Variants in CLMN observed in about 807,000 individuals in gnomAD.
The protein encoded by CLMN is calmin, also known as calmin (calponin-like, transmembrane).
A neutral mutation model predicts 92.7 loss-of-function variants in CLMN; 57 were observed. That is an observed-to-expected ratio of 0.61 (90% CI 0.50 to 0.77). CLMN has a LOEUF of 0.77. Among genes scored for constraint, CLMN ranks in the 30% least tolerant of loss-of-function variants. The pLI, the probability that CLMN is intolerant of heterozygous loss-of-function variation, is 0.00. For missense variants in CLMN, 1,158 were observed against 1,237.5 expected, an observed-to-expected ratio of 0.94 and a Z score of 0.96; for synonymous variants, 466 against 470.6, an observed-to-expected ratio of 0.99 and a Z score of 0.13.
At chr14:95,244,241 C>T (rs1254961932) in intron 1 of CLMN, among the ~76,000 whole-genome samples, 4 of 152,190 alleles carry the variant, frequency 2.6e-5, no homozygotes, top group Admixed American at 1.3e-4. Flanking sequence ...TCTCATCCAA[C>T]ACTGTCATCA....
chr14:95,194,722 A>G lies in CLMN; in HGVS notation c.2709-126T>C. The G allele has an allele frequency of 1.3e-6, 1 of 777,988 alleles. No individual in the cohort carries two copies. Among genetic ancestry groups the G allele is most frequent in the Admixed American group, 2.1e-5 (1 of 46,928 alleles). 48.2% of individuals were successfully genotyped at this position (777,988 alleles called of 1,614,324 possible). A position where few individuals can be genotyped will look rare whatever the true frequency, so the allele number is the denominator to read the frequency against. On this transcript the variant is annotated intron_variant, in intron 10 of 12. Transcript: ENST00000298912. This position sits in a 1 kb window ranked among gnomAD's most constrained non-coding sequence, Gnocchi z 4.0. ...GCAAGCGACAACTTCACAGCCAGGG[A>G]CAGAAATGACAGATTTTATATCTAA... is the stretch of plus-strand genomic sequence containing the variant.
At chr14:95,244,308 T>C (rs1242164214) in intron 1 of CLMN, among the ~76,000 whole-genome samples, 2 of 152,218 alleles carry the variant, frequency 1.3e-5, no homozygotes, top group Admixed American at 1.3e-4. Flanking sequence ...TCAGTACCTA[T>C]TCAGGTAGCC....
At chr14:95,304,317 T>C (rs1160846949) in intron 1 of CLMN, among the ~76,000 whole-genome samples, 1 of 150,960 alleles carries the variant, frequency 6.6e-6, no homozygotes, top group African/African-American at 2.4e-5. Context: ...GCCTGCAGCC[T>C]GGGCGACAGA....
In CLMN at chr14:95,189,948, G is replaced by A. The variant is rs1896523379; in HGVS notation, c.*1616C>T. 1.3e-5 allele frequency: 2 copies of A among 152,176 alleles called. No homozygotes were observed. The highest frequency in any genetic ancestry group is 1.3e-4 in the Admixed American group (2 of 15,286). 9.4% of individuals were successfully genotyped at this position (152,176 alleles called of 1,614,324 possible). ...CTATGTAAATTCTTCTGGCCATGCT[G>A]GAATTCTGTAAACTTGAAACCCACT... On this transcript the variant is annotated 3_prime_UTR_variant, in exon 13 of 13. Coordinates refer to ENST00000298912, the MANE Select transcript of CLMN (RefSeq NM_024734.4).
At position 95,267,956 on chromosome 14, in the gene CLMN, G is replaced by A. The variant is rs185412782; in HGVS notation, c.83-37823C>T. Among the ~76,000 whole-genome samples the A allele has an allele frequency of 1.2e-4, 19 of 152,290 alleles. No homozygotes were observed. The East Asian group carries it at 3.5e-3, about 28-fold the overall frequency. The stretch of plus-strand genomic sequence containing the variant: ...ATCACATGTTCTCACTCATGTGTGG[G>A]AGCTAAGAAAGGATCTCATGAAAAT... On this transcript the variant is annotated intron_variant, in intron 1 of 12. Coordinates refer to ENST00000298912, the MANE Select transcript of CLMN (RefSeq NM_024734.4).
At chr14:95,219,151 C>T (rs1288923965) in intron 4 of CLMN, among the ~76,000 whole-genome samples, 1 of 152,240 alleles carries the variant, frequency 6.6e-6, no homozygotes, top group Non-Finnish European at 1.5e-5. Flanking sequence ...CCACAAAAGA[C>T]ACTTGGTAAA....
At chr14:95,311,452 G>A (rs1029287632) in intron 1 of CLMN, among the ~76,000 whole-genome samples, 2 of 152,138 alleles carry the variant, frequency 1.3e-5, no homozygotes, top group Admixed American at 6.5e-5. Context: ...GGAGCTGAAA[G>A]TAGTTCTGGT....
chr14:95,203,120 A>G lies in CLMN; in HGVS notation c.2229T>C (p.Tyr743=), dbSNP rs142931715. 2 of 1,613,172 alleles carry G rather than the reference A, an allele frequency of 1.2e-6. No individual in the cohort carries two copies. The highest frequency in any genetic ancestry group is 1.3e-5 in the African/African-American group (1 of 74,898). Residue 743 remains tyrosine (Y), a synonymous_variant, in exon 9 of 13, where the codon TAT becomes TAC. Transcript: ENST00000298912. ...TTTTTAGATCCTCCGGGTCTTCTAC[A>G]TAAGCCTCCAAAACTGCAGCCAGGG... ...EVPLAAVLEA[Y]VEDPEDLKNE...
In CLMN at chr14:95,319,842, G is replaced by GGAGAGCCTGGCTGGCGGGCGCA; in HGVS notation, c.-51_-50insTGCGCCCGCCAGCCAGGCTCTC. 8.6e-7 allele frequency: 1 copy of GGAGAGCCTGGCTGGCGGGCGCA among 1,156,646 alleles called. No homozygotes were observed. The highest frequency in any genetic ancestry group is 1.1e-6 in the Non-Finnish European group (1 of 932,838). The allele number at this position is 1,156,646 out of a possible 1,614,324, so 71.6% of individuals were successfully genotyped here. A position where few individuals can be genotyped will look rare whatever the true frequency, so the allele number is the denominator to read the frequency against. ...CCAGCGCGGCGCGGGCGGCGGGCGC[G>GGAGAGCCTGGCTGGCGGGCGCA]GAGAGCCTGGCTGGCGGGCGCGCGA... On this transcript the variant is annotated 5_prime_UTR_variant, in exon 1 of 13. Transcript: ENST00000298912.
rs541221613 is a variant in CLMN at position 95,262,877 on chromosome 14, T to C, written c.83-32744A>G. On this transcript the variant is annotated intron_variant, in intron 1 of 12. Transcript: ENST00000298912. The stretch of plus-strand genomic sequence containing the variant: ...TACTGTGCCCAGCCTCCCCATTTTC[T>C]GGATGAGAAAGTTGGCCTCAGAGAG... 7.7e-4 allele frequency among the ~76,000 whole-genome samples: 118 copies of C among 152,334 alleles called. 1 individual carries two copies. Among genetic ancestry groups the C allele is most frequent in the African/African-American group, 2.8e-3 (118 of 41,578 alleles).
In CLMN at chr14:95,204,021, G is replaced by C. The variant is rs781481073; in HGVS notation, c.1328C>G (p.Ser443Cys). 2 of 1,614,164 alleles carry C rather than the reference G, an allele frequency of 1.2e-6. No homozygotes were observed. The highest frequency in any genetic ancestry group is 2.2e-5 in the East Asian group (1 of 44,880). The part of the protein sequence containing the change: ...YKDPFCSKNL[S>C]LCFEGSPRVA... ...TCTTGGGCTCCCTTCAAAGCAAAGG[G>C]ACAGGTTCTTACTGCAGAAAGGATC... Residue 443 changes from serine (S) to cysteine (C), a missense_variant, in exon 9 of 13, where the codon TCC (serine) becomes TGC (cysteine). By Grantham distance (112) the Ser-to-Cys change is moderately radical. Coordinates refer to ENST00000298912, the MANE Select transcript of CLMN (RefSeq NM_024734.4).
At chr14:95,232,766 C>CAA (rs1381970520) in intron 1 of CLMN, among the ~76,000 whole-genome samples, 2 of 152,196 alleles carry the variant, frequency 1.3e-5, no homozygotes, top group African/African-American at 4.8e-5. Flanking sequence ...GTCCCAAGCT[C>CAA]TATCGGAGAT....
intron 8 of CLMN, 56 bp downstream of exon 8, chr14:95,209,339 G>T: frequency 6.5e-7 from 1 of 1,528,832 alleles, no homozygotes; most frequent in Non-Finnish European, 9.1e-7. Context: ...TTCGTCTGAT[G>T]GCCAGCGGAT....
In CLMN at chr14:95,215,708, G is replaced by C. The variant is rs779297703; in HGVS notation, c.350C>G (p.Ala117Gly). ...AGAAGGGTTGCCATCTGCTATTTCT[G>C]CTGCATCAATGCTAACCAGTTTTAC... ...SNVKLVSIDA[A>G]EIADGNPSLV... Residue 117 changes from alanine to glycine, a missense_variant, in exon 5 of 13, where the codon GCA becomes GGA. Ala to Gly is a moderately conservative substitution (Grantham distance 60). Transcript: ENST00000298912. The C allele has an allele frequency of 2.5e-6, 4 of 1,614,000 alleles. No individual in the cohort carries two copies. Among genetic ancestry groups the C allele is most frequent in the Non-Finnish European group, 3.4e-6 (4 of 1,179,998 alleles).
intron 12 of CLMN, 54 bp downstream of exon 12, chr14:95,193,794 GA>G: frequency 2.5e-6 from 4 of 1,604,930 alleles, no homozygotes; most frequent in Non-Finnish European, 3.4e-6. Flanking sequence ...GCAGGCTGCA[GA>G]ATGTAAAAAC....
chr14:95,213,666 A>T (rs1158098368), intron 5 of CLMN, among the ~76,000 whole-genome samples: 1 of 151,938 alleles, frequency 6.6e-6, no homozygotes, highest in African/African-American at 2.4e-5. Flanking sequence ...GAGTCTCTCC[A>T]GCTCCAGCCA....
At chr14:95,236,528 G>A (rs7149095) in intron 1 of CLMN, among the ~76,000 whole-genome samples, 5,710 of 152,282 alleles carry the variant, frequency 0.037, 364 homozygotes, top group African/African-American at 0.13. Context: ...GGCACCCAGC[G>A]GGCAGAGGCC....
intron 1 of CLMN, among the ~76,000 whole-genome samples, chr14:95,270,428 G>A (rs915546803): frequency 2.6e-5 from 4 of 152,080 alleles, no homozygotes; most frequent in African/African-American, 9.7e-5. Context: ...TTACCCATTA[G>A]CTGTCATTCT....
chr14:95,240,369 G>C (rs1390378181), intron 1 of CLMN, among the ~76,000 whole-genome samples: 1 of 152,134 alleles, frequency 6.6e-6, no homozygotes, highest in Non-Finnish European at 1.5e-5. Flanking sequence ...CCAGCTAGTA[G>C]AACATGGGTG....
Sources: allele counts gnomAD v4.1 joint callset (sites outside exome capture counted in the v4.1 genomes callset), GRCh38; gene constraint gnomAD v4.1.1; non-coding constraint Gnocchi (gnomAD v3.1); transcripts MANE v1.5; gene names NCBI Gene and HGNC (gene_info 2026-07-23, HGNC 2026-07-21).